MDGA2: variants seen among roughly 807,000 people sequenced by gnomAD.
MDGA2 encodes the protein MAM domain containing glycosylphosphatidylinositol anchor 2, also known as MAM domain-containing glycosylphosphatidylinositol anchor protein 2.
In MDGA2, 40 loss-of-function variants were observed where a neutral mutation model predicts 117.8. That is an observed-to-expected ratio of 0.34 (90% CI 0.26 to 0.44). The LOEUF (loss-of-function observed/expected upper bound fraction) is 0.44. Ranked by LOEUF, MDGA2 falls within the 20% of genes least tolerant of loss-of-function variation. The pLI is 1.00. For synonymous variants in MDGA2, 452 were observed against 439.0 expected (o/e 1.03, Z -0.37); for missense variants, 1,123 against 1,250.6 (o/e 0.90, Z 1.54).
chr14:46,877,479 A>T lies in MDGA2; in HGVS notation c.2437+10T>A. ...ATATAGTGCCATTTTGTAAGTTAAAATATACTTACTCAAATGAGGATTTAC... is the reference window on the plus strand; with the variant it reads ...ATATAGTGCCATTTTGTAAGTTAAATTATACTTACTCAAATGAGGATTTAC... On this transcript the variant is annotated intron_variant, in intron 12 of 16. Coordinates refer to ENST00000399232, the MANE Select transcript of MDGA2 (RefSeq NM_001113498.3). The T allele has an allele frequency of 6.9e-7, 1 of 1,439,018 alleles. No homozygotes were observed. The highest frequency in any genetic ancestry group is 9.5e-7 in the Non-Finnish European group (1 of 1,049,096). 89.1% of individuals were successfully genotyped at this position (1,439,018 alleles called of 1,614,324 possible).
chr14:46,964,466 A>C (rs2138294003), intron 8 of MDGA2, among the ~76,000 whole-genome samples: 1 of 152,338 alleles, frequency 6.6e-6, no homozygotes, highest in Admixed American at 6.5e-5. Context: ...TTTAAGGGAC[A>C]GTCTAAGCTG....
At chr14:47,114,711 T>C (rs976039641) in intron 5 of MDGA2, among the ~76,000 whole-genome samples, 2 of 152,152 alleles carry the variant, frequency 1.3e-5, no homozygotes, top group Non-Finnish European at 2.9e-5. Context: ...GAGAATGGGC[T>C]AGCCATATGC....
intron 1 of MDGA2, among the ~76,000 whole-genome samples, chr14:47,597,884 A>AC (rs752838923): frequency 6.5e-4 from 97 of 148,474 alleles, no homozygotes; most frequent in African/African-American, 2.2e-3. Context: ...ACACACACAC[A>AC]AAACACAGAG....
intron 10 of MDGA2, among the ~76,000 whole-genome samples, chr14:46,904,693 T>C (rs1006892450): frequency 2.0e-5 from 3 of 152,224 alleles, no homozygotes; most frequent in African/African-American, 7.2e-5. Context: ...CACAAGCTAA[T>C]GTGTTCCCGT....
chr14:47,336,769 A>G (rs1322317596), intron 1 of MDGA2, among the ~76,000 whole-genome samples: 1 of 151,998 alleles, frequency 6.6e-6, no homozygotes, highest in Non-Finnish European at 1.5e-5. Context: ...AATAGTGCTC[A>G]AAAGAAGTAG....
At chr14:47,522,191 T>C (rs918185158) in intron 1 of MDGA2, among the ~76,000 whole-genome samples, 14 of 152,138 alleles carry the variant, frequency 9.2e-5, no homozygotes, top group Admixed American at 3.3e-4. Flanking sequence ...TTTATACAGG[T>C]ATGCCAATGA....
At chr14:46,935,042 AAG>A (rs1397237703) in intron 9 of MDGA2, among the ~76,000 whole-genome samples, 6 of 152,094 alleles carry the variant, frequency 3.9e-5, no homozygotes, top group South Asian at 4.1e-4. Context: ...TAAAAAAAAA[AAG>A]AGTTATGCCA....
At chr14:47,108,973 A>G (rs1259993172) in intron 5 of MDGA2, among the ~76,000 whole-genome samples, 1 of 152,162 alleles carries the variant, frequency 6.6e-6, no homozygotes, top group African/African-American at 2.4e-5. Context: ...AGCACTACAC[A>G]TATCTCCTTC....
rs570347082 is a variant in MDGA2 at position 47,576,111 on chromosome 14, T to C, written c.280+98406A>G. Among the ~76,000 whole-genome samples the C allele has an allele frequency of 2.8e-4, 42 of 152,326 alleles. No homozygotes were observed. In the East Asian group the frequency reaches 7.1e-3, roughly 26 times the overall value. ...CAATCACAGAGACTGTTTATATGTA[T>C]GCTTATAACTTGGCTTCTATATATT... is the stretch of plus-strand genomic sequence containing the variant. On this transcript the variant is annotated intron_variant, in intron 1 of 16. Coordinates refer to ENST00000399232, the MANE Select transcript of MDGA2 (RefSeq NM_001113498.3).
At chr14:47,281,937 C>T (rs1294167722) in intron 2 of MDGA2, among the ~76,000 whole-genome samples, 1 of 151,674 alleles carries the variant, frequency 6.6e-6, no homozygotes, top group African/African-American at 2.4e-5. Flanking sequence ...CGCCTGTTGT[C>T]CCAGCTACTC....
At chr14:47,459,517 T>TCTCTTCCTCCCTCCCTTCTC (rs1274036500) in intron 1 of MDGA2, among the ~76,000 whole-genome samples, 1 of 149,532 alleles carries the variant, frequency 6.7e-6, no homozygotes, top group Non-Finnish European at 1.5e-5. Context: ...CCTCCGTCCC[T>TCTCTTCCTCCCTCCCTTCTC]CTCTTCCTCC....
chr14:47,312,141 T>C (rs1210092203), intron 1 of MDGA2, among the ~76,000 whole-genome samples: 1 of 152,192 alleles, frequency 6.6e-6, no homozygotes, highest in Admixed American at 6.5e-5. Flanking sequence ...CATAGATTTA[T>C]ATATAGGAGC....
Position 47,131,232 on chromosome 14 carries a change from T to C in MDGA2, c.925+482A>G, listed in dbSNP as rs563545420. On this transcript the variant is annotated intron_variant, in intron 5 of 16. Coordinates refer to ENST00000399232, the MANE Select transcript of MDGA2 (RefSeq NM_001113498.3). ...TTATTGAACAAAGGCTAACTTAAGT[T>C]TCAATCCTATTAATGTTTTCACATT... is the stretch of plus-strand genomic sequence containing the variant. 5.3e-5 allele frequency among the ~76,000 whole-genome samples: 8 copies of C among 152,148 alleles called. 1 individual carries two copies. The South Asian group carries it at 1.7e-3, about 32-fold the overall frequency.
At chr14:47,649,146 T>C (rs1344062749) in intron 1 of MDGA2, among the ~76,000 whole-genome samples, 1 of 152,176 alleles carries the variant, frequency 6.6e-6, no homozygotes, top group Non-Finnish European at 1.5e-5. Flanking sequence ...AAGAGTAACT[T>C]TACATTTTTG....
intron 1 of MDGA2, among the ~76,000 whole-genome samples, chr14:47,310,191 T>G (rs541103297): frequency 6.6e-6 from 1 of 152,170 alleles, no homozygotes; most frequent in East Asian, 1.9e-4. Flanking sequence ...CCTATTAGCA[T>G]CTAAGCCTAA....
At chr14:47,232,131 G>A (rs1305703861) in intron 2 of MDGA2, among the ~76,000 whole-genome samples, 1 of 152,016 alleles carries the variant, frequency 6.6e-6, no homozygotes, top group African/African-American at 2.4e-5. Context: ...CTCTAAGCTT[G>A]CAGACAGAGT....
intron 8 of MDGA2, among the ~76,000 whole-genome samples, chr14:46,971,255 C>T (rs1487071807): frequency 6.6e-6 from 1 of 152,090 alleles, no homozygotes; most frequent in Non-Finnish European, 1.5e-5. Context: ...GGGATACGTA[C>T]CTGAATTTGC....
intron 1 of MDGA2, among the ~76,000 whole-genome samples, chr14:47,600,066 T>C (rs905737735): frequency 6.6e-6 from 1 of 152,056 alleles, no homozygotes; most frequent in African/African-American, 2.4e-5. Flanking sequence ...TATAGCCATA[T>C]AGACGACATG....
chr14:47,035,379 A>G, intron 7 of MDGA2, 75 bp from the exon 8 acceptor site: 1 of 1,227,188 alleles, frequency 8.1e-7, no homozygotes, highest in South Asian at 1.5e-5. Context: ...GAAAATCATA[A>G]GGAAACAATT....
Sources: allele counts gnomAD v4.1 joint callset (sites outside exome capture counted in the v4.1 genomes callset), GRCh38; gene constraint gnomAD v4.1.1; transcripts MANE v1.5; gene names NCBI Gene and HGNC (gene_info 2026-07-23, HGNC 2026-07-21).